PCDH9: variants seen among roughly 807,000 people sequenced by gnomAD.
The protein encoded by PCDH9 is protocadherin 9.
Under a neutral mutation model 70.6 loss-of-function variants are expected in PCDH9, and 24 were observed. The ratio of observed to expected loss-of-function variants is 0.34; its 90% CI spans 0.25 to 0.48. The LOEUF is 0.48. Ranked by LOEUF, PCDH9 falls within the 20% of genes least tolerant of loss-of-function variation. The pLI is 0.99. For synonymous variants in PCDH9, 562 were observed against 558.5 expected, an observed-to-expected ratio of 1.01 and a Z score of -0.09; for missense variants, 1,281 against 1,503.6, an observed-to-expected ratio of 0.85 and a Z score of 2.45.
intron 2 of PCDH9, among the ~76,000 whole-genome samples, chr13:66,931,574 G>C (rs558644105): frequency 6.6e-6 from 1 of 151,960 alleles, no homozygotes. Context: ...GAATGGTGGT[G>C]GGGGGGAAGG....
At chr13:66,818,227 G>T (rs1169675935) in intron 3 of PCDH9, among the ~76,000 whole-genome samples, 1 of 152,000 alleles carries the variant, frequency 6.6e-6, no homozygotes, top group East Asian at 1.9e-4. Flanking sequence ...TCACTAGCTT[G>T]GGCAAATGAG....
intron 3 of PCDH9, among the ~76,000 whole-genome samples, chr13:66,705,629 T>G (rs549718475): frequency 6.6e-6 from 1 of 152,334 alleles, no homozygotes; most frequent in South Asian, 2.1e-4. Context: ...GAAACCTCTT[T>G]TTGTTTGTGA....
intron 3 of PCDH9, among the ~76,000 whole-genome samples, chr13:66,755,619 GC>G (rs2079528136): frequency 6.6e-6 from 1 of 151,994 alleles, no homozygotes; most frequent in African/African-American, 2.4e-5. Context: ...GGGTGGGGGG[GC>G]ATCTAAAATG....
chr13:67,075,537 T>C (rs1348202022), intron 2 of PCDH9, among the ~76,000 whole-genome samples: 1 of 152,100 alleles, frequency 6.6e-6, no homozygotes, highest in Non-Finnish European at 1.5e-5. Context: ...GGAATCATGA[T>C]GGGTTTTTTT....
At chr13:66,921,691 G>A (rs1350004282) in intron 2 of PCDH9, among the ~76,000 whole-genome samples, 1 of 151,272 alleles carries the variant, frequency 6.6e-6, no homozygotes, top group South Asian at 2.1e-4. Flanking sequence ...TTATGTCTCA[G>A]AATATCAGAC....
At chr13:66,904,139 T>C (rs1167630332) in intron 2 of PCDH9, among the ~76,000 whole-genome samples, 4 of 152,030 alleles carry the variant, frequency 2.6e-5, no homozygotes, top group South Asian at 2.1e-4. Context: ...TAGATAAAAC[T>C]GAAAAAAACA....
At chr13:66,660,235 C>G (rs1165752896) in intron 3 of PCDH9, among the ~76,000 whole-genome samples, 1 of 152,212 alleles carries the variant, frequency 6.6e-6, no homozygotes, top group Non-Finnish European at 1.5e-5. Flanking sequence ...CAACAGCTCT[C>G]ATTCACTTGC....
chr13:66,425,007 C>G (rs1468692120), intron 4 of PCDH9, among the ~76,000 whole-genome samples: 1 of 151,746 alleles, frequency 6.6e-6, no homozygotes, highest in Non-Finnish European at 1.5e-5. Flanking sequence ...TATGACATGC[C>G]AGGATGGTCA....
At position 66,713,653 on chromosome 13, in the gene PCDH9, A is replaced by AT. The variant is rs574857338; in HGVS notation, c.3139-82243_3139-82242insA. ...TATATATATATATATATATATATAT[A>AT]ATGTACACACACATCCAGTTGACTC... On this transcript the variant is annotated intron_variant, in intron 3 of 4. Transcript: ENST00000377865. 7.4e-3 allele frequency among the ~76,000 whole-genome samples: 1,004 copies of AT among 136,164 alleles called. 31 individuals are homozygous for AT. The highest frequency in any genetic ancestry group is 0.025 in the African/African-American group (929 of 36,598). The allele number at this position is 136,164 out of a possible 152,430, so 89.3% of individuals were successfully genotyped here. A position where few individuals can be genotyped will look rare whatever the true frequency, so the allele number is the denominator to read the frequency against.
At chr13:66,442,732 A>T (rs1033182885) in intron 4 of PCDH9, among the ~76,000 whole-genome samples, 7 of 152,006 alleles carry the variant, frequency 4.6e-5, no homozygotes, top group African/African-American at 1.7e-4. Context: ...TGGGGACAGT[A>T]CGAATTTAGT....
chr13:67,217,700 T>C (rs2089638957), intron 2 of PCDH9: 1 of 152,120 alleles, frequency 6.6e-6, no homozygotes, highest in East Asian at 1.9e-4. Context: ...AAGCATTCAC[T>C]TGGTACCCAG....
chr13:67,025,346 G>C (rs2084759114), intron 2 of PCDH9, among the ~76,000 whole-genome samples: 1 of 152,094 alleles, frequency 6.6e-6, no homozygotes, highest in Non-Finnish European at 1.5e-5. Context: ...TGCAATTTGT[G>C]AATGTTCAAG....
At chr13:66,317,683 G>C (rs1430029932) in intron 4 of PCDH9, among the ~76,000 whole-genome samples, 3 of 152,044 alleles carry the variant, frequency 2.0e-5, no homozygotes, top group Non-Finnish European at 4.4e-5. Flanking sequence ...ACAGACAACA[G>C]TGCAGAATTT....
At chr13:66,987,100 A>C (rs1312972202) in intron 2 of PCDH9, among the ~76,000 whole-genome samples, 6 of 152,026 alleles carry the variant, frequency 3.9e-5, no homozygotes, top group African/African-American at 1.4e-4. Flanking sequence ...AGTTTTACTT[A>C]AATTTATTAC....
intron 3 of PCDH9, among the ~76,000 whole-genome samples, chr13:66,827,871 A>G (rs1206462039): frequency 1.3e-5 from 2 of 152,196 alleles, no homozygotes; most frequent in African/African-American, 4.8e-5. Flanking sequence ...TGGGATACTT[A>G]GAGATATACC....
In PCDH9 at chr13:66,809,617, C is replaced by T. The variant is rs116305275; in HGVS notation, c.3138+93887G>A. ...TGTGTGTGTATATGCAGCAATGGTGCATGATTATAACAGTTTAGTATCTAC... is the reference window on the plus strand; with the variant it reads ...TGTGTGTGTATATGCAGCAATGGTGTATGATTATAACAGTTTAGTATCTAC... On this transcript the variant is annotated intron_variant, in intron 3 of 4. Coordinates refer to ENST00000377865, the MANE Select transcript of PCDH9 (RefSeq NM_203487.3). 6.2e-3 allele frequency among the ~76,000 whole-genome samples: 939 copies of T among 151,754 alleles called. 9 individuals are homozygous for T. The highest frequency in any genetic ancestry group is 0.022 in the African/African-American group (897 of 41,088).
At chr13:67,189,390 G>A (rs1054981064) in intron 2 of PCDH9, among the ~76,000 whole-genome samples, 5 of 151,958 alleles carry the variant, frequency 3.3e-5, no homozygotes, top group Admixed American at 2.6e-4. Flanking sequence ...CTGTAGTACT[G>A]TCCATTAAAC....
intron 3 of PCDH9, among the ~76,000 whole-genome samples, chr13:66,701,540 T>A (rs1377412239): frequency 3.3e-5 from 5 of 152,154 alleles, no homozygotes; most frequent in Non-Finnish European, 1.5e-5. Flanking sequence ...AACATTAAAT[T>A]CTTAATTACC....
intron 3 of PCDH9, among the ~76,000 whole-genome samples, chr13:66,828,341 G>A (rs1442440062): frequency 6.6e-6 from 1 of 152,020 alleles, no homozygotes; most frequent in Non-Finnish European, 1.5e-5. Flanking sequence ...GCAGAAGAGT[G>A]ACATGAATTT....
Sources: gnomAD v4.1 joint callset for allele counts (sites outside exome capture counted in the v4.1 genomes callset) on GRCh38, gnomAD v4.1.1 for gene constraint, MANE v1.5 for transcripts, NCBI Gene and HGNC (gene_info 2026-07-23, HGNC 2026-07-21) for gene names.